TGFB1: variants seen among roughly 807,000 people sequenced by gnomAD.
TGFB1 encodes the protein transforming growth factor beta-1 proprotein.
A neutral mutation model predicts 43.8 loss-of-function variants in TGFB1; 19 were observed. The observed-to-expected ratio is 0.43, with a 90% confidence interval of 0.30 to 0.64. TGFB1 has a LOEUF of 0.64. Among genes scored for constraint, TGFB1 ranks in the 30% least tolerant of loss-of-function variants. The pLI, the probability that TGFB1 is intolerant of heterozygous loss-of-function variation, is 0.11. For synonymous variants in TGFB1, 221 were observed against 236.3 expected, an observed-to-expected ratio of 0.94 and a Z score of 0.60; for missense variants, 445 against 529.8, an observed-to-expected ratio of 0.84 and a Z score of 1.57.
chr19:41,345,086 G>A (rs1173705909), intron 2 of TGFB1, among the ~76,000 whole-genome samples: 3 of 152,186 alleles, frequency 2.0e-5, no homozygotes, highest in Admixed American at 6.5e-5. Flanking sequence ...CTGCGGTCAA[G>A]TCACCTTCAC....
chr19:41,341,954 G>C lies in TGFB1; in HGVS notation c.789C>G (p.Thr263=). The change falls in exon 5 of 7, where the codon ACC becomes ACG. Residue 263 remains threonine, a synonymous_variant. Coordinates refer to ENST00000221930, the MANE Select transcript of TGFB1 (RefSeq NM_000660.7). ...MNRPFLLLMA[T]PLERAQHLQS... The stretch of plus-strand genomic sequence containing the variant: ...GCAGATGCTGGGCCCTCTCCAGCGG[G>C]GTGGCCATGAGAAGCAGGAAAGGCC... The C allele has an allele frequency of 6.2e-7, 1 of 1,614,210 alleles. No individual in the cohort carries two copies. The highest frequency in any genetic ancestry group is 1.1e-5 in the South Asian group (1 of 91,086).
rs1241390177 is a variant in TGFB1 at position 41,353,674 on chromosome 19, T to TCCTCCTCCC, written c.-639_-631dup. The stretch of plus-strand genomic sequence containing the variant: ...CCGACCAGCTCGTCCCTCCTCCCGC[T>TCCTCCTCCC]CCTCCTCCCCCTCCTCCCCGCAGTG... On this transcript the variant is annotated 5_prime_UTR_variant, in exon 1 of 7. Transcript: ENST00000221930. The surrounding 1 kb of genome is among the most constrained non-coding windows in gnomAD (Gnocchi z 5.9). 1 of 153,092 alleles carries TCCTCCTCCC rather than the reference T, an allele frequency of 6.5e-6. No individual in the cohort carries two copies. Among genetic ancestry groups the TCCTCCTCCC allele is most frequent in the African/African-American group, 2.4e-5 (1 of 41,380 alleles). 9.5% of individuals were successfully genotyped at this position (153,092 alleles called of 1,614,324 possible).
rs1454284391 is a variant in TGFB1 at position 41,331,094 on chromosome 19, C to T, written c.1131G>A (p.Glu377=). ...AGCGCACGATCATGTTGGACAGCTG[C>T]TCCACCTTGGGCTTGCGGCCCACGT... ...VYYVGRKPKV[E]QLSNMIVRSC... The change falls in exon 7 of 7, where the codon GAG becomes GAA. Residue 377 remains glutamate, a synonymous_variant. Coordinates refer to ENST00000221930, the MANE Select transcript of TGFB1 (RefSeq NM_000660.7). 1.3e-6 allele frequency: 2 copies of T among 1,589,008 alleles called. No individual in the cohort carries two copies. Among genetic ancestry groups the T allele is most frequent in the African/African-American group, 1.3e-5 (1 of 74,686 alleles).
chr19:41,344,556 G>A (rs780913615), intron 3 of TGFB1, among the ~76,000 whole-genome samples, 191 bp downstream of exon 3: 10 of 152,174 alleles, frequency 6.6e-5, no homozygotes, highest in Non-Finnish European at 1.5e-4. Context: ...CCCATCACAG[G>A]GCAGGGCAGA....
rs11466324 is a variant in TGFB1, at chr19:41,348,480, C to A, written c.356-25G>T. 4,314 of 1,609,384 alleles carry A rather than the reference C, an allele frequency of 2.7e-3. 112 individuals carry two copies. In the African/African-American group the frequency reaches 0.051, roughly 19 times the overall value. On this transcript the variant is annotated intron_variant, in intron 1 of 6. Transcript: ENST00000221930. ...TCTAGCAGGGAGAAATGAAGGGAGG[C>A]GATCAGGGGTTTGGCAGAGGTGAGG...
At chr19:41,339,923 GA>G (rs200419705) in intron 5 of TGFB1, among the ~76,000 whole-genome samples, 5,595 of 152,214 alleles carry the variant, frequency 0.037, 139 homozygotes, top group South Asian at 0.063. Context: ...TTCTGGCAGG[GA>G]AACAGCCGGT....
At chr19:41,344,053 A>G (rs1549934) in intron 3 of TGFB1, among the ~76,000 whole-genome samples, 90,466 of 146,042 alleles carry the variant, frequency 0.62, 29,056 homozygotes, top group African/African-American at 0.8. Flanking sequence ...TGTGATTATG[A>G]CTCACTGCAG....
chr19:41,339,799 G>C (rs1425368199), intron 5 of TGFB1, among the ~76,000 whole-genome samples: 2 of 152,104 alleles, frequency 1.3e-5, no homozygotes, highest in East Asian at 3.9e-4. Flanking sequence ...ACTCCAGCCT[G>C]GGCAACAGAG....
At chr19:41,346,859 G>A (rs1057286566) in intron 2 of TGFB1, among the ~76,000 whole-genome samples, 1 of 151,982 alleles carries the variant, frequency 6.6e-6, no homozygotes, top group African/African-American at 2.4e-5. Context: ...CCAAGTAGCT[G>A]GGATTACAGG....
chr19:41,352,986 A>C lies in TGFB1; in HGVS notation c.59T>G (p.Val20Gly). Residue 20 changes from valine to glycine, a missense_variant, in exon 1 of 7, where the codon GTG (valine) becomes GGG (glycine). Physicochemically the swap from Val to Gly is moderately radical, Grantham distance 109. Around this residue, in one of 3 missense-constraint regions of TGFB1, gnomAD observed 366 missense variants for 428.8 expected, o/e 0.85. Coordinates refer to ENST00000221930, the MANE Select transcript of TGFB1 (RefSeq NM_000660.7). Reference protein sequence around the residue: ...PLLLPLLWLLVLTPGRPAAGL... With the variant: ...PLLLPLLWLLGLTPGRPAAGL... The stretch of plus-strand genomic sequence containing the variant: ...CGCGGCCGGCCGGCCAGGCGTCAGC[A>C]CCAGTAGCCACAGCAGCGGTAGCAG... The C allele has an allele frequency of 6.5e-7, 1 of 1,539,426 alleles. No homozygotes were observed. The highest frequency in any genetic ancestry group is 8.7e-7 in the Non-Finnish European group (1 of 1,146,596).
intron 1 of TGFB1, chr19:41,350,800 C>G (rs978143087): frequency 6.6e-6 from 1 of 152,398 alleles, no homozygotes; most frequent in African/African-American, 2.4e-5. Flanking sequence ...TCTCCCTCCC[C>G]ACCCAGCCCC....
rs1292151485 is a variant in TGFB1, at chr19:41,353,157, G to C, written c.-113C>G. 6.7e-6 allele frequency: 9 copies of C among 1,339,434 alleles called. No homozygotes were observed. The highest frequency in any genetic ancestry group is 8.8e-6 in the Non-Finnish European group (9 of 1,022,782). The allele number at this position is 1,339,434 out of a possible 1,614,324, so 83.0% of individuals were successfully genotyped here. A position where few individuals can be genotyped will look rare whatever the true frequency, so the allele number is the denominator to read the frequency against. On this transcript the variant is annotated 5_prime_UTR_variant, in exon 1 of 7. Transcript: ENST00000221930. The surrounding 1 kb of genome is among the most constrained non-coding windows in gnomAD (Gnocchi z 5.9). ...TCCCGGCAAAAGGTAGGAGGGCCTC[G>C]AGGGAAAGCTGAGGTCCTCAGGGAG...
chr19:41,342,546 G>A (rs995432550), intron 3 of TGFB1, among the ~76,000 whole-genome samples: 57 of 147,710 alleles, frequency 3.9e-4, no homozygotes, highest in African/African-American at 1.4e-3. Flanking sequence ...ATGGAGTCTG[G>A]CTCTGTTGCC....
intron 2 of TGFB1, among the ~76,000 whole-genome samples, chr19:41,347,392 T>C (rs970656499): frequency 4.6e-5 from 7 of 152,298 alleles, no homozygotes; most frequent in African/African-American, 1.7e-4. Flanking sequence ...GGCTGTCATA[T>C]TGGACAGAAT....
In TGFB1 at chr19:41,347,720, C is replaced by T. The variant is rs141597983; in HGVS notation, c.516+575G>A. ...GCACATGCCTGTAATCCCAGCTACTCGGGTGGCTGAGGCAGGAGAATCACT... is the reference window on the plus strand; with the variant it reads ...GCACATGCCTGTAATCCCAGCTACTTGGGTGGCTGAGGCAGGAGAATCACT... On this transcript the variant is annotated intron_variant, in intron 2 of 6. Coordinates refer to ENST00000221930, the MANE Select transcript of TGFB1 (RefSeq NM_000660.7). Among the ~76,000 whole-genome samples, 414 of 149,984 alleles carry T rather than the reference C, an allele frequency of 2.8e-3. 3 individuals are homozygous for T. Among genetic ancestry groups the T allele is most frequent in the African/African-American group, 9.7e-3 (395 of 40,800 alleles).
intron 1 of TGFB1, 38 bp downstream of exon 1, chr19:41,352,652 G>A (rs751970103): frequency 1.9e-6 from 3 of 1,607,948 alleles, no homozygotes; most frequent in Non-Finnish European, 2.5e-6. Context: ...CGCCCCCTGG[G>A]GGCCCCCCTC....
intron 5 of TGFB1, among the ~76,000 whole-genome samples, chr19:41,337,716 G>A (rs763686034): frequency 1.3e-5 from 2 of 152,020 alleles, no homozygotes; most frequent in African/African-American, 2.4e-5. Flanking sequence ...ACCACTTACA[G>A]GTGAATTTTT....
At chr19:41,339,473 G>A (rs1024428897) in intron 5 of TGFB1, among the ~76,000 whole-genome samples, 8 of 151,728 alleles carry the variant, frequency 5.3e-5, no homozygotes, top group African/African-American at 9.7e-5. Flanking sequence ...CCCTCCCTAC[G>A]GAGGCTGACA....
At chr19:41,334,204 G>A (rs1469562475) in intron 5 of TGFB1, among the ~76,000 whole-genome samples, 3 of 151,800 alleles carry the variant, frequency 2.0e-5, no homozygotes, top group East Asian at 2.0e-4. Flanking sequence ...GCGAAACCCC[G>A]TCTCTACTAA....
Sources: gnomAD v4.1 joint callset for allele counts (sites outside exome capture counted in the v4.1 genomes callset) on GRCh38, gnomAD v4.1.1 for gene constraint, gnomAD v4.1.1 regional missense constraint, Gnocchi (gnomAD v3.1) non-coding constraint, MANE v1.5 for transcripts, NCBI Gene and HGNC (gene_info 2026-07-23, HGNC 2026-07-21) for gene names.